PGD: variants seen among roughly 807,000 people sequenced by gnomAD.
PGD encodes 6-phosphogluconate dehydrogenase, decarboxylating.
In PGD, 21 loss-of-function variants were observed where a neutral mutation model predicts 60.4. The ratio of observed to expected loss-of-function variants is 0.35; its 90% CI spans 0.25 to 0.50. PGD has a LOEUF of 0.50. PGD is among the 20% of genes least tolerant of loss of function. The pLI, the probability that PGD is intolerant of heterozygous loss-of-function variation, is 0.98. For missense variants in PGD, 477 were observed against 613.1 expected (o/e 0.78, Z 2.34); for synonymous variants, 230 against 235.9 (o/e 0.97, Z 0.23).
At chr1:10,406,751 C>T (rs533494364) in intron 5 of PGD, among the ~76,000 whole-genome samples, 4 of 152,242 alleles carry the variant, frequency 2.6e-5, no homozygotes, top group South Asian at 4.1e-4. Flanking sequence ...GTAATATATC[C>T]GCGTGCTGAG....
At chr1:10,417,313 G>A in intron 9 of PGD, 63 bp from the exon 10 acceptor site, 2 of 1,530,634 alleles carry the variant, frequency 1.3e-6, no homozygotes, top group Non-Finnish European at 1.8e-6. Flanking sequence ...GAATAAGACT[G>A]GTAGACATAA....
At chr1:10,416,226 T>C (rs1188712605) in intron 8 of PGD, among the ~76,000 whole-genome samples, 4 of 152,228 alleles carry the variant, frequency 2.6e-5, no homozygotes, top group Non-Finnish European at 5.9e-5. Context: ...GCCAAAGTGC[T>C]GGGATTACAG....
chr1:10,420,462 A>G lies in PGD; in HGVS notation c.*713A>G, dbSNP rs555784165. Among the ~76,000 whole-genome samples the G allele has an allele frequency of 6.8e-6, 1 of 147,888 alleles. No individual in the cohort carries two copies. The highest frequency in any genetic ancestry group is 2.0e-4 in the East Asian group (1 of 5,066). On this transcript the variant is annotated 3_prime_UTR_variant, in exon 13 of 13. Transcript: ENST00000270776. ...ATTCTTTATGGCTTTTTGTATGTCA[A>G]ATACTTCATACTAAACTTTCTAGAG...
intron 3 of PGD, among the ~76,000 whole-genome samples, chr1:10,401,142 T>A (rs1388135289): frequency 6.6e-6 from 1 of 151,842 alleles, no homozygotes; most frequent in Non-Finnish European, 1.5e-5. Context: ...GAGGTGGAGG[T>A]TACAGTGACC....
chr1:10,411,312 G>A (rs957135762), intron 6 of PGD, 106 bp from the exon 7 acceptor site: 28 of 1,232,746 alleles, frequency 2.3e-5, no homozygotes, highest in Admixed American at 4.2e-5. Context: ...TATTTTTTGT[G>A]TGGAGAGGTA....
rs77000839 is a variant in PGD at position 10,417,817 on chromosome 1, C to G, written c.1109+308C>G. Among the ~76,000 whole-genome samples, 16 of 152,274 alleles carry G rather than the reference C, an allele frequency of 1.1e-4. No individual in the cohort carries two copies. The East Asian group carries it at 1.9e-3, about 18-fold the overall frequency. ...CTCTGCCTCCCGGGTTCAAGTGATT[C>G]TCCTGCCTCAGCGTCCTAAGTAACT... On this transcript the variant is annotated intron_variant, in intron 10 of 12. Transcript: ENST00000270776.
At chr1:10,406,604 C>T (rs555454402) in intron 5 of PGD, among the ~76,000 whole-genome samples, 9 of 152,252 alleles carry the variant, frequency 5.9e-5, no homozygotes, top group African/African-American at 1.9e-4. Flanking sequence ...CTGCGGTTTC[C>T]GGTGTGGCTG....
chr1:10,403,090 G>A lies in PGD; in HGVS notation c.284G>A (p.Gly95Asp). The change falls in exon 4 of 13, where the codon GGT becomes GAT. Residue 95 changes from glycine (G) to aspartate (D), a missense_variant. This residue lies in a region of PGD where 431 missense variants were observed against 556.6 expected (regional missense o/e 0.77). Coordinates refer to ENST00000270776, the MANE Select transcript of PGD (RefSeq NM_002631.4). Reference sequence around the variant, plus strand: ...TTACAGGTACCATTGTTGGATACTGGTGACATCATCATTGACGGAGGAAAT... The same window carrying A: ...TTACAGGTACCATTGTTGGATACTGATGACATCATCATTGACGGAGGAAAT... ...IEKLVPLLDT[G>D]DIIIDGGNSE... is the part of the protein sequence containing the mutation. 1.9e-6 allele frequency: 3 copies of A among 1,610,308 alleles called. No individual in the cohort carries two copies. Among genetic ancestry groups the A allele is most frequent in the Non-Finnish European group, 2.5e-6 (3 of 1,176,576 alleles).
Position 10,419,972 on chromosome 1 carries a change from G to T in PGD, c.*223G>T. On this transcript the variant is annotated 3_prime_UTR_variant, in exon 13 of 13. Coordinates refer to ENST00000270776, the MANE Select transcript of PGD (RefSeq NM_002631.4). ...GACTGACCAGGAGCTGCTCATGTGC[G>T]TGAGAGTGGGAACCATCTCCTTGCG... is the stretch of plus-strand genomic sequence containing the variant. 1 of 542,332 alleles carries T rather than the reference G, an allele frequency of 1.8e-6. No homozygotes were observed. Among genetic ancestry groups the T allele is most frequent in the Non-Finnish European group, 3.3e-6 (1 of 303,340 alleles). 33.6% of individuals were successfully genotyped at this position (542,332 alleles called of 1,614,324 possible). A position where few individuals can be genotyped will look rare whatever the true frequency, so the allele number is the denominator to read the frequency against.
intron 6 of PGD, among the ~76,000 whole-genome samples, chr1:10,411,051 T>G (rs1322272513): frequency 6.6e-6 from 1 of 152,068 alleles, no homozygotes; most frequent in Non-Finnish European, 1.5e-5. Flanking sequence ...AAGTGGTAAC[T>G]TTGGGAAAAA....
At position 10,420,220 on chromosome 1, in the gene PGD, TA is replaced by T. The variant is rs59990300; in HGVS notation, c.*480del. On this transcript the variant is annotated 3_prime_UTR_variant, in exon 13 of 13. Coordinates refer to ENST00000270776, the MANE Select transcript of PGD (RefSeq NM_002631.4). ...CCCCATTGGCAGAAAGATTTTTCTT[TA>T]AAAAAAAAGACTAGAATAACACAAG... 1.4e-3 allele frequency: 227 copies of T among 156,758 alleles called. 1 individual carries two copies. Among genetic ancestry groups the T allele is most frequent in the African/African-American group, 5.0e-3 (205 of 41,220 alleles). The allele number at this position is 156,758 out of a possible 1,614,324, so 9.7% of individuals were successfully genotyped here.
intron 6 of PGD, among the ~76,000 whole-genome samples, chr1:10,411,135 T>TAC (rs1160054959): frequency 2.6e-5 from 4 of 152,104 alleles, no homozygotes; most frequent in Admixed American, 1.3e-4. Context: ...GAGTAGAAAA[T>TAC]ACAGGCTAGA....
intron 1 of PGD, 109 bp downstream of exon 1, chr1:10,399,234 T>TA: frequency 1.6e-6 from 2 of 1,277,764 alleles, no homozygotes; most frequent in Non-Finnish European, 2.2e-6. Flanking sequence ...GGGGGTCGCC[T>TA]GAGCTCACTT....
chr1:10,404,154 C>T lies in PGD; in HGVS notation c.331-7C>T. On this transcript the variant is annotated splice_polypyrimidine_tract_variant and splice_region_variant and intron_variant, in intron 4 of 12. Coordinates refer to ENST00000270776, the MANE Select transcript of PGD (RefSeq NM_002631.4). ...AAGCATAATGAAATTATTTTTCTGT[C>T]CTTCAGAGACGGTGCCGAGACCTCA... 6.3e-7 allele frequency: 1 copy of T among 1,576,884 alleles called. No homozygotes were observed. The highest frequency in any genetic ancestry group is 8.7e-7 in the Non-Finnish European group (1 of 1,154,494).
At chr1:10,413,480 T>C (rs1196435072) in intron 8 of PGD, among the ~76,000 whole-genome samples, 1 of 152,236 alleles carries the variant, frequency 6.6e-6, no homozygotes, top group Non-Finnish European at 1.5e-5. Context: ...TGAGGTAAAT[T>C]CAGAAGTGAC....
rs1173804983 is a variant in PGD, at chr1:10,420,317, C to T, written c.*568C>T. On this transcript the variant is annotated 3_prime_UTR_variant, in exon 13 of 13. Transcript: ENST00000270776. ...AGGACACACCAGGGGCTTTAATACA[C>T]TGGGCATGTTTTCTTTCTCCAATTG... 6.6e-6 allele frequency among the ~76,000 whole-genome samples: 1 copy of T among 151,336 alleles called. No homozygotes were observed. Among genetic ancestry groups the T allele is most frequent in the Non-Finnish European group, 1.5e-5 (1 of 67,922 alleles).
chr1:10,399,140 AG>A lies in PGD; in HGVS notation c.8+19del. 6.2e-7 allele frequency: 1 copy of A among 1,608,644 alleles called. No individual in the cohort carries two copies. Reference sequence around the variant, plus strand: ...GCCATGGCCCAGTGAGTGACTCGCCAGGGGCAGCCCGGCTCGGCCTCAGCGG... The same window carrying A: ...GCCATGGCCCAGTGAGTGACTCGCCAGGGCAGCCCGGCTCGGCCTCAGCGG... On this transcript the variant is annotated intron_variant, in intron 1 of 12. Coordinates refer to ENST00000270776, the MANE Select transcript of PGD (RefSeq NM_002631.4).
chr1:10,411,344 T>C, intron 6 of PGD, 74 bp from the exon 7 acceptor site: 1 of 1,559,242 alleles, frequency 6.4e-7, no homozygotes, highest in Admixed American at 1.7e-5. Context: ...GATGTTGGCA[T>C]GAAAGCTGAT....
rs1227904212 is a variant in PGD at position 10,417,393 on chromosome 1, G to T, written c.993G>T (p.Lys331Asn). Reference sequence around the variant, plus strand: ...CTCTTTAGGCACTCTACGCTTCCAAGATCATCTCTTACGCTCAAGGCTTTA... The same window carrying T: ...CTCTTTAGGCACTCTACGCTTCCAATATCATCTCTTACGCTCAAGGCTTTA... The part of the protein sequence containing the change: ...EDIRKALYAS[K>N]IISYAQGFML... The change falls in exon 10 of 13, where the codon AAG becomes AAT. Residue 331 changes from lysine to asparagine, a missense_variant. Transcript: ENST00000270776. 3.7e-6 allele frequency: 6 copies of T among 1,612,012 alleles called. No homozygotes were observed. Among genetic ancestry groups the T allele is most frequent in the Non-Finnish European group, 5.1e-6 (6 of 1,179,202 alleles).
Sources: gnomAD v4.1 joint callset for allele counts (sites outside exome capture counted in the v4.1 genomes callset) on GRCh38, gnomAD v4.1.1 for gene constraint, gnomAD v4.1.1 regional missense constraint, MANE v1.5 for transcripts, NCBI Gene and HGNC (gene_info 2026-07-23, HGNC 2026-07-21) for gene names.